The following ARPC3 variants were observed in gnomAD, a reference collection of about 807,000 sequenced individuals.
ARPC3 encodes the protein actin related protein 2/3 complex subunit 3.
In ARPC3, 12 loss-of-function variants were observed where a neutral mutation model predicts 27.6. The observed-to-expected ratio is 0.43, with a 90% CI of 0.28 to 0.70. The LOEUF (loss-of-function observed/expected upper bound fraction) is 0.70, where lower values mean the gene tolerates loss of function less well. ARPC3 is among the 30% of genes least tolerant of loss of function. ARPC3 has a pLI of 0.17. For missense variants in ARPC3, 153 were observed against 207.7 expected, an observed-to-expected ratio of 0.74 and a Z score of 1.62; for synonymous variants, 53 against 67.2, an observed-to-expected ratio of 0.79 and a Z score of 1.03.
chr12:110,435,246 C>T lies in ARPC3; in HGVS notation c.475-29G>A, dbSNP rs754761458. On this transcript the variant is annotated intron_variant, in intron 6 of 6. Coordinates refer to ENST00000228825, the MANE Select transcript of ARPC3 (RefSeq NM_001278556.2). ...ACAAGAGAGAACAACACAGAATGAA[C>T]AGCGGGGTCAAATTACAATAGAATT... 33 of 1,532,128 alleles carry T rather than the reference C, an allele frequency of 2.2e-5. 1 individual carries two copies. Among genetic ancestry groups the T allele is most frequent in the South Asian group, 2.0e-4 (18 of 89,440 alleles). The allele number at this position is 1,532,128 out of a possible 1,614,324, so 94.9% of individuals were successfully genotyped here. A position where few individuals can be genotyped will look rare whatever the true frequency, so the allele number is the denominator to read the frequency against.
intron 3 of ARPC3, 27 bp downstream of exon 3, chr12:110,440,284 GT>G: frequency 6.6e-7 from 1 of 1,506,842 alleles, no homozygotes; most frequent in Non-Finnish European, 9.2e-7. Context: ...AGAAAACTAA[GT>G]TAAATATTAA....
At chr12:110,436,711 TAC>T (rs375877607) in intron 4 of ARPC3, 28 bp from the exon 5 acceptor site, 84,460 of 372,952 alleles carry the variant, frequency 0.23, 4,821 homozygotes, top group East Asian at 0.34. Flanking sequence ...TATATATATA[TAC>T]ACACACACAC....
At chr12:110,440,017 A>G (rs1353142120) in intron 3 of ARPC3, among the ~76,000 whole-genome samples, 1 of 152,188 alleles carries the variant, frequency 6.6e-6, no homozygotes, top group Non-Finnish European at 1.5e-5. Context: ...GAAAGTAACT[A>G]TAGATAATAT....
intron 1 of ARPC3, among the ~76,000 whole-genome samples, chr12:110,450,003 AC>A (rs2062491562): frequency 1.6e-5 from 1 of 63,560 alleles, no homozygotes. Flanking sequence ...GAAGGAGTAG[AC>A]GGAGAGAGAA....
chr12:110,439,557 G>T (rs950418814), intron 3 of ARPC3, among the ~76,000 whole-genome samples: 6 of 152,182 alleles, frequency 3.9e-5, no homozygotes, highest in Non-Finnish European at 8.8e-5. Flanking sequence ...TTAGGGCCGG[G>T]AGCGGTGGCT....
At chr12:110,445,369 C>G (rs1260731277) in intron 2 of ARPC3, 83 bp downstream of exon 2, 1 of 1,109,254 alleles carries the variant, frequency 9.0e-7, no homozygotes, top group East Asian at 2.4e-5. Context: ...GAAGACTGAG[C>G]TAAGAATTTT....
Position 110,450,145 on chromosome 12 carries a change from C to T in ARPC3, c.6+110G>A. ...TCCCCTCGCCTCCCTCCTTCTCGGGCCCCAGCTTCCTCTCTGCCTTCCGCC... is the reference window on the plus strand; with the variant it reads ...TCCCCTCGCCTCCCTCCTTCTCGGGTCCCAGCTTCCTCTCTGCCTTCCGCC... On this transcript the variant is annotated intron_variant, in intron 1 of 6. Coordinates refer to ENST00000228825, the MANE Select transcript of ARPC3 (RefSeq NM_001278556.2). 3 of 1,486,120 alleles carry T rather than the reference C, an allele frequency of 2.0e-6. No individual in the cohort carries two copies. In the South Asian group the frequency reaches 3.5e-5, roughly 18 times the overall value. The allele number at this position is 1,486,120 out of a possible 1,614,324, so 92.1% of individuals were successfully genotyped here.
chr12:110,448,605 TTTGTGTCACTGAACTGCA>T (rs1415465205), intron 1 of ARPC3, among the ~76,000 whole-genome samples: 4 of 150,640 alleles, frequency 2.7e-5, no homozygotes, highest in Non-Finnish European at 4.4e-5. Flanking sequence ...CTGAACCGAG[TTTGTGTCACTGAACTGCA>T]GCCTGAGAGA....
In ARPC3 at chr12:110,436,705, T is replaced by A. The variant is rs756727258; in HGVS notation, c.253-22A>T. The stretch of plus-strand genomic sequence containing the variant: ...TGCACTGGAAAAAAAAATATATATA[T>A]ATATATACACACACACACACACACA... On this transcript the variant is annotated intron_variant, in intron 4 of 6. Transcript: ENST00000228825. 379 of 921,084 alleles carry A rather than the reference T, an allele frequency of 4.1e-4. 29 individuals are homozygous for A. The highest frequency in any genetic ancestry group is 3.9e-3 in the African/African-American group (185 of 47,020). 57.1% of individuals were successfully genotyped at this position (921,084 alleles called of 1,614,324 possible).
intron 1 of ARPC3, 81 bp downstream of exon 1, chr12:110,450,174 C>A (rs1432320985): frequency 1.9e-6 from 3 of 1,588,748 alleles, no homozygotes; most frequent in Non-Finnish European, 2.6e-6. Flanking sequence ...TTCCGCCGCC[C>A]GCTTCTCTCG....
intron 2 of ARPC3, chr12:110,443,123 CT>C (rs1184738545): frequency 1.5e-3 from 215 of 145,788 alleles, no homozygotes; most frequent in East Asian, 1.6e-3. Context: ...TTGCAATTTA[CT>C]TTTTTTTTTT....
At chr12:110,446,242 G>T (rs1189433974) in intron 1 of ARPC3, among the ~76,000 whole-genome samples, 1 of 149,572 alleles carries the variant, frequency 6.7e-6, no homozygotes, top group Non-Finnish European at 1.5e-5. Context: ...TCCTGCCTCA[G>T]CCTCCCAAAG....
chr12:110,449,767 G>C (rs1187458013), intron 1 of ARPC3, among the ~76,000 whole-genome samples: 1 of 152,152 alleles, frequency 6.6e-6, no homozygotes, highest in Non-Finnish European at 1.5e-5. Flanking sequence ...CGCCGAACGA[G>C]TCTGTGAGGG....
chr12:110,440,540 GA>G, intron 2 of ARPC3, 152 bp from the exon 3 acceptor site: 2 of 657,124 alleles, frequency 3.0e-6, no homozygotes, highest in South Asian at 3.4e-5. Flanking sequence ...AAAGTTTTTA[GA>G]AAATATTTAT....
intron 2 of ARPC3, among the ~76,000 whole-genome samples, chr12:110,442,378 C>T (rs954769535): frequency 1.3e-5 from 2 of 152,076 alleles, no homozygotes; most frequent in African/African-American, 2.4e-5. Context: ...GAGGCTGAGG[C>T]GGATGGATTG....
chr12:110,440,394 C>T lies in ARPC3; in HGVS notation c.107-6G>A. The T allele has an allele frequency of 6.2e-7, 1 of 1,601,230 alleles. No individual in the cohort carries two copies. ...CACAATATCTGTATCTTTTGCTAAGCAGGACACAAGGGAAGGAGCACAGAG... is the reference window on the plus strand; with the variant it reads ...CACAATATCTGTATCTTTTGCTAAGTAGGACACAAGGGAAGGAGCACAGAG... On this transcript the variant is annotated splice_region_variant and splice_polypyrimidine_tract_variant and intron_variant, in intron 2 of 6. Coordinates refer to ENST00000228825, the MANE Select transcript of ARPC3 (RefSeq NM_001278556.2).
intron 6 of ARPC3, 133 bp downstream of exon 6, chr12:110,435,975 CAT>C (rs1335965922): frequency 1.3e-6 from 1 of 786,484 alleles, no homozygotes; most frequent in African/African-American, 1.7e-5. Context: ...ACATACTAGA[CAT>C]ATACTGGAAG....
intron 3 of ARPC3, chr12:110,437,377 T>A (rs1011598126): frequency 2.1e-6 from 1 of 476,868 alleles, no homozygotes; most frequent in African/African-American, 2.0e-5. Flanking sequence ...GCAGCTGCTT[T>A]TTTTTTTTGA....
chr12:110,434,847 C>T lies in ARPC3; in HGVS notation c.*308G>A, dbSNP rs1333479718. 9 of 524,326 alleles carry T rather than the reference C, an allele frequency of 1.7e-5. No individual in the cohort carries two copies. Among genetic ancestry groups the T allele is most frequent in the Non-Finnish European group, 2.1e-5 (6 of 284,286 alleles). The allele number at this position is 524,326 out of a possible 1,614,324, so 32.5% of individuals were successfully genotyped here. A position where few individuals can be genotyped will look rare whatever the true frequency, so the allele number is the denominator to read the frequency against. ...GGGCATTATGGAATGTGAATTTTAT[C>T]TCAAAACAAATTGTAAGTGAATGTC... On this transcript the variant is annotated 3_prime_UTR_variant, in exon 7 of 7. Transcript: ENST00000228825.
Sources: allele counts gnomAD v4.1 joint callset (sites outside exome capture counted in the v4.1 genomes callset), GRCh38; gene constraint gnomAD v4.1.1; transcripts MANE v1.5; gene names NCBI Gene and HGNC (gene_info 2026-07-23, HGNC 2026-07-21).